The following COL19A1 variants were observed in gnomAD, a reference collection of about 807,000 sequenced individuals.
COL19A1 encodes the protein collagen alpha-1(XIX) chain.
In COL19A1, 159 loss-of-function variants were observed where a neutral mutation model predicts 190.2. That is an observed-to-expected ratio of 0.84 (90% CI 0.73 to 0.95). The LOEUF (loss-of-function observed/expected upper bound fraction) is 0.95. Ranked by LOEUF, COL19A1 falls within the 40% of genes least tolerant of loss-of-function variation. COL19A1 has a pLI of 0.00. For synonymous variants in COL19A1, 509 were observed against 458.9 expected, an observed-to-expected ratio of 1.11 and a Z score of -1.39; for missense variants, 1,418 against 1,431.9, an observed-to-expected ratio of 0.99 and a Z score of 0.16.
rs139155262 is a variant in COL19A1 at position 70,141,589 on chromosome 6, G to A, written c.1483-304G>A. ...ATTCTCTGGGACATGAGATTAGTTG[G>A]TGTCAAATTATAACTATGTCAGCTA... is the stretch of plus-strand genomic sequence containing the variant. On this transcript the variant is annotated intron_variant, in intron 20 of 50. Coordinates refer to ENST00000620364, the MANE Select transcript of COL19A1 (RefSeq NM_001858.6). Among the ~76,000 whole-genome samples, 357 of 152,102 alleles carry A rather than the reference G, an allele frequency of 2.3e-3. 2 individuals are homozygous for A. The highest frequency in any genetic ancestry group is 8.3e-3 in the African/African-American group (343 of 41,512).
intron 9 of COL19A1, among the ~76,000 whole-genome samples, chr6:69,956,331 A>C (rs1420912144): frequency 6.6e-6 from 1 of 151,982 alleles, no homozygotes; most frequent in Admixed American, 6.6e-5. Flanking sequence ...AGCCGCATTA[A>C]GGATCCAAAA....
At chr6:70,039,259 A>T (rs1224144399) in intron 14 of COL19A1, among the ~76,000 whole-genome samples, 2 of 152,196 alleles carry the variant, frequency 1.3e-5, no homozygotes, top group Non-Finnish European at 2.9e-5. Flanking sequence ...CTCTGAAAGC[A>T]TGTCTAATAC....
intron 14 of COL19A1, among the ~76,000 whole-genome samples, chr6:70,064,846 TC>T (rs1452584561): frequency 2.0e-5 from 3 of 152,036 alleles, no homozygotes; most frequent in Non-Finnish European, 4.4e-5. Context: ...ATGAGTGAAC[TC>T]CCATTCACAA....
chr6:70,178,670 G>A (rs1456314948), intron 42 of COL19A1, among the ~76,000 whole-genome samples: 2 of 152,034 alleles, frequency 1.3e-5, no homozygotes, highest in Admixed American at 6.5e-5. Flanking sequence ...TCGAAAAATG[G>A]TGATTGTTCT....
chr6:70,209,288 GT>G lies in COL19A1; in HGVS notation c.*2018del, dbSNP rs1351862356. On this transcript the variant is annotated 3_prime_UTR_variant, in exon 51 of 51. Coordinates refer to ENST00000620364, the MANE Select transcript of COL19A1 (RefSeq NM_001858.6). The stretch of plus-strand genomic sequence containing the variant: ...TGTCATAAAGCTAAATATTTTATAT[GT>G]TTTCAAAGATTATTTTTTCATATTA... The G allele has an allele frequency of 6.6e-6, 1 of 151,932 alleles. No individual in the cohort carries two copies. Among genetic ancestry groups the G allele is most frequent in the East Asian group, 1.9e-4 (1 of 5,196 alleles). The allele number at this position is 151,932 out of a possible 1,614,324, so 9.4% of individuals were successfully genotyped here. A position where few individuals can be genotyped will look rare whatever the true frequency, so the allele number is the denominator to read the frequency against.
At chr6:70,067,152 C>A (rs1439078664) in intron 14 of COL19A1, among the ~76,000 whole-genome samples, 1 of 152,064 alleles carries the variant, frequency 6.6e-6, no homozygotes, top group African/African-American at 2.4e-5. Flanking sequence ...GGCATTGTCT[C>A]CAAGTGGTAC....
chr6:70,137,302 G>A (rs184325332), intron 18 of COL19A1, among the ~76,000 whole-genome samples: 1 of 152,088 alleles, frequency 6.6e-6, no homozygotes, highest in Non-Finnish European at 1.5e-5. Context: ...AATGAGTCTG[G>A]ATTATTGTGC....
At chr6:70,123,157 A>G (rs991451895) in intron 17 of COL19A1, among the ~76,000 whole-genome samples, 2 of 152,202 alleles carry the variant, frequency 1.3e-5, no homozygotes, top group Non-Finnish European at 2.9e-5. Flanking sequence ...GGACATGAAC[A>G]GACACTTCTC....
At chr6:70,071,117 A>G (rs1781521856) in intron 15 of COL19A1, among the ~76,000 whole-genome samples, 1 of 152,066 alleles carries the variant, frequency 6.6e-6, no homozygotes, top group African/African-American at 2.4e-5. Flanking sequence ...AGTAGCTACT[A>G]CTCTACCAAT....
At position 70,084,476 on chromosome 6, in the gene COL19A1, G is replaced by A. The variant is rs187770042; in HGVS notation, c.1224+16000G>A. ...GATTTTCTTTGAAATATTAACAAAT[G>A]GCCAGAATACAATAGAATATACAAA... On this transcript the variant is annotated intron_variant, in intron 15 of 50. Coordinates refer to ENST00000620364, the MANE Select transcript of COL19A1 (RefSeq NM_001858.6). 4.6e-5 allele frequency among the ~76,000 whole-genome samples: 7 copies of A among 152,214 alleles called. No individual in the cohort carries two copies. The East Asian group carries it at 1.4e-3, about 29-fold the overall frequency.
chr6:69,917,732 C>T (rs151096949), intron 4 of COL19A1, among the ~76,000 whole-genome samples: 23 of 151,874 alleles, frequency 1.5e-4, no homozygotes, highest in African/African-American at 4.6e-4. Flanking sequence ...TCAAGGGTGT[C>T]GAATCTTTTG....
chr6:70,138,239 G>T (rs1412704306), intron 19 of COL19A1, among the ~76,000 whole-genome samples: 1 of 152,148 alleles, frequency 6.6e-6, no homozygotes, highest in Non-Finnish European at 1.5e-5. Context: ...ACCTTCTGAA[G>T]TTATTTTTCT....
At chr6:70,097,508 A>T (rs979427770) in intron 15 of COL19A1, among the ~76,000 whole-genome samples, 5 of 145,336 alleles carry the variant, frequency 3.4e-5, no homozygotes, top group African/African-American at 1.2e-4. Flanking sequence ...ACCAGCATGG[A>T]TCCTGTCTCA....
At position 70,003,127 on chromosome 6, in the gene COL19A1, AT is replaced by A. The variant is rs1382650863; in HGVS notation, c.1027-20497del. Among the ~76,000 whole-genome samples, 13 of 152,184 alleles carry A rather than the reference AT, an allele frequency of 8.5e-5. No homozygotes were observed. The East Asian group carries it at 2.1e-3, about 25-fold the overall frequency. On this transcript the variant is annotated intron_variant, in intron 11 of 50. Transcript: ENST00000620364. ...TTCAAAGAACTTGATTTCTGCCTTA[AT>A]TTCATTATTTACCCAGAAGTCATTC... is the stretch of plus-strand genomic sequence containing the variant.
At chr6:69,943,335 G>A (rs150465516) in intron 9 of COL19A1, among the ~76,000 whole-genome samples, 12 of 152,074 alleles carry the variant, frequency 7.9e-5, no homozygotes, top group South Asian at 2.1e-4. Flanking sequence ...CCTTGCAAAC[G>A]TTTACTCCCA....
chr6:70,110,389 C>A (rs1443007253), intron 16 of COL19A1, among the ~76,000 whole-genome samples: 6 of 152,034 alleles, frequency 3.9e-5, no homozygotes, highest in African/African-American at 1.4e-4. Flanking sequence ...AGAAAATGAA[C>A]CTAACAATTT....
intron 25 of COL19A1, 59 bp downstream of exon 25, chr6:70,145,066 G>A (rs752008692): frequency 1.6e-5 from 20 of 1,226,988 alleles, no homozygotes; most frequent in Non-Finnish European, 2.1e-5. Context: ...ACTACTTGTG[G>A]GTTCCTAGTT....
intron 16 of COL19A1, among the ~76,000 whole-genome samples, chr6:70,112,900 G>T (rs1236118580): frequency 6.6e-6 from 1 of 152,204 alleles, no homozygotes; most frequent in Admixed American, 6.5e-5. Flanking sequence ...GCCAGAAGCA[G>T]ACAAGCCCAG....
intron 31 of COL19A1, among the ~76,000 whole-genome samples, chr6:70,155,705 T>C (rs1787388008): frequency 6.6e-6 from 1 of 152,180 alleles, no homozygotes; most frequent in African/African-American, 2.4e-5. Context: ...TTTTCTGTTG[T>C]TTTTAAAATG....
Sources: allele counts gnomAD v4.1 joint callset (sites outside exome capture counted in the v4.1 genomes callset), GRCh38; gene constraint gnomAD v4.1.1; transcripts MANE v1.5; gene names NCBI Gene and HGNC (gene_info 2026-07-23, HGNC 2026-07-21).